The following CTNNAL1 variants were observed in gnomAD, a reference collection of about 807,000 sequenced individuals.
CTNNAL1 encodes catenin alpha like 1.
Under a neutral mutation model 93.6 loss-of-function variants are expected in CTNNAL1, and 69 were observed. That is an observed-to-expected ratio of 0.74 (90% CI 0.61 to 0.90). CTNNAL1 has a LOEUF of 0.90. Among genes scored for constraint, CTNNAL1 ranks in the 40% least tolerant of loss-of-function variants. The pLI, the probability that CTNNAL1 is intolerant of heterozygous loss-of-function variation, is 0.00. For synonymous variants in CTNNAL1, 286 were observed against 305.4 expected (o/e 0.94, Z 0.66); for missense variants, 836 against 862.0 (o/e 0.97, Z 0.38).
intron 11 of CTNNAL1, among the ~76,000 whole-genome samples, chr9:108,964,121 C>A (rs1307542829): frequency 6.6e-6 from 1 of 152,124 alleles, no homozygotes; most frequent in Non-Finnish European, 1.5e-5. Flanking sequence ...AAATTTGGCT[C>A]ATATGAAAAT....
At chr9:108,974,555 C>G (rs890337649) in intron 8 of CTNNAL1, among the ~76,000 whole-genome samples, 2 of 152,180 alleles carry the variant, frequency 1.3e-5, no homozygotes, top group Non-Finnish European at 2.9e-5. Flanking sequence ...CAATTTCAGC[C>G]AGGCATGATG....
chr9:109,013,324 G>T lies in CTNNAL1; in HGVS notation c.119C>A (p.Thr40Lys), dbSNP rs1266568847. ...TACCTGAGAAACCAGCGGGAGTAGCGTCTGCTCCACCGAGCGAGTTTTGAT... is the reference window on the plus strand; with the variant it reads ...TACCTGAGAAACCAGCGGGAGTAGCTTCTGCTCCACCGAGCGAGTTTTGAT... ...LEIKTRSVEQ[T>K]LLPLVSQITT... The change falls in exon 1 of 19, where the codon ACG becomes AAG. Residue 40 changes from threonine (T) to lysine (K), a missense_variant. Transcript: ENST00000325551. The T allele has an allele frequency of 3.3e-6, 5 of 1,513,294 alleles. No homozygotes were observed. The highest frequency in any genetic ancestry group is 4.4e-6 in the Non-Finnish European group (5 of 1,129,986). The allele number at this position is 1,513,294 out of a possible 1,614,324, so 93.7% of individuals were successfully genotyped here. A position where few individuals can be genotyped will look rare whatever the true frequency, so the allele number is the denominator to read the frequency against.
intron 11 of CTNNAL1, among the ~76,000 whole-genome samples, chr9:108,964,362 A>C (rs1440257130): frequency 6.6e-6 from 1 of 152,240 alleles, no homozygotes; most frequent in Non-Finnish European, 1.5e-5. Flanking sequence ...AATTTGATAT[A>C]ATTGTAAATG....
chr9:108,980,358 T>C (rs1831391876), intron 6 of CTNNAL1, among the ~76,000 whole-genome samples: 1 of 152,186 alleles, frequency 6.6e-6, no homozygotes, highest in African/African-American at 2.4e-5. Flanking sequence ...CCATGAAATA[T>C]GTCACACAGA....
At chr9:108,971,739 G>A (rs1831122401) in intron 9 of CTNNAL1, among the ~76,000 whole-genome samples, 1 of 152,148 alleles carries the variant, frequency 6.6e-6, no homozygotes, top group Non-Finnish European at 1.5e-5. Flanking sequence ...TTTATCAGCA[G>A]AGTGAGAACA....
At chr9:108,993,196 C>T (rs968209053) in intron 2 of CTNNAL1, among the ~76,000 whole-genome samples, 2 of 152,200 alleles carry the variant, frequency 1.3e-5, no homozygotes, top group Admixed American at 1.3e-4. Flanking sequence ...GGTGCCAAGG[C>T]TTGGGCTGGG....
intron 14 of CTNNAL1, chr9:108,950,528 G>C (rs1284424099): frequency 1.9e-6 from 3 of 1,550,176 alleles, no homozygotes; most frequent in Admixed American, 2.0e-5. Context: ...TCTAGAAAAG[G>C]TAGAAGACGT....
chr9:108,966,683 T>C (rs1453825668), intron 10 of CTNNAL1, among the ~76,000 whole-genome samples: 2 of 152,032 alleles, frequency 1.3e-5, no homozygotes, highest in Non-Finnish European at 2.9e-5. Context: ...AGCCTGAGAT[T>C]TTGGCATTTG....
At chr9:108,982,071 C>T (rs191464807) in intron 6 of CTNNAL1, among the ~76,000 whole-genome samples, 62 of 152,288 alleles carry the variant, frequency 4.1e-4, no homozygotes, top group African/African-American at 1.3e-3. Flanking sequence ...TAAAGGAGGG[C>T]ATTGTACTAG....
intron 6 of CTNNAL1, among the ~76,000 whole-genome samples, chr9:108,982,048 T>C (rs1831448943): frequency 6.6e-6 from 1 of 152,184 alleles, no homozygotes; most frequent in South Asian, 2.1e-4. Context: ...AGGGCCTTAG[T>C]TTTCTGATCT....
intron 8 of CTNNAL1, 31 bp from the exon 9 acceptor site, chr9:108,972,864 G>GGGGGGGGGGAAA: frequency 7.0e-6 from 1 of 142,590 alleles, no homozygotes; most frequent in Non-Finnish European, 1.0e-5. Flanking sequence ...GGGGGGGTGG[G>GGGGGGGGGGAAA]AGGGTGGAGA....
At chr9:108,959,364 C>CAAA (rs36116094) in intron 11 of CTNNAL1, among the ~76,000 whole-genome samples, 48 of 55,830 alleles carry the variant, frequency 8.6e-4, no homozygotes, top group Non-Finnish European at 9.9e-4. Context: ...GACTCCATAT[C>CAAA]AAAAAAAAAA....
At chr9:108,962,299 C>T (rs768050487) in intron 11 of CTNNAL1, among the ~76,000 whole-genome samples, 20 of 152,172 alleles carry the variant, frequency 1.3e-4, no homozygotes, top group South Asian at 2.1e-4. Flanking sequence ...ATAATAGTCA[C>T]GGGCCTCTGA....
At chr9:108,983,665 T>C (rs1831508754) in intron 5 of CTNNAL1, among the ~76,000 whole-genome samples, 1 of 152,204 alleles carries the variant, frequency 6.6e-6, no homozygotes, top group Admixed American at 6.5e-5. Context: ...AGATGATATA[T>C]GATCATGGAT....
intron 1 of CTNNAL1, among the ~76,000 whole-genome samples, chr9:109,007,262 C>T (rs1827059694): frequency 1.3e-5 from 2 of 151,686 alleles, no homozygotes; most frequent in South Asian, 2.1e-4. Context: ...AAAAAAAACA[C>T]GCATGTATTC....
chr9:108,957,238 C>T (rs888637027), intron 11 of CTNNAL1, among the ~76,000 whole-genome samples: 22 of 151,204 alleles, frequency 1.5e-4, no homozygotes, highest in Non-Finnish European at 2.9e-4. Flanking sequence ...CTCCCACCTT[C>T]CACCTCCTGA....
rs374813983 is a variant in CTNNAL1 at position 108,989,821 on chromosome 9, G to A, written c.639+905C>T. Among the ~76,000 whole-genome samples, 65 of 152,154 alleles carry A rather than the reference G, an allele frequency of 4.3e-4. No individual in the cohort carries two copies. In the South Asian group the frequency reaches 8.7e-3, roughly 20 times the overall value. ...TCCCAGCACTTTGGGAGGCTGAGGC[G>A]GGCGGATCACCTGAGATTAGGAGTT... On this transcript the variant is annotated intron_variant, in intron 4 of 18. Coordinates refer to ENST00000325551, the MANE Select transcript of CTNNAL1 (RefSeq NM_003798.4).
At chr9:108,972,868 G>GGGCCCCCCCCCCCCCCGGC in intron 8 of CTNNAL1, 35 bp from the exon 9 acceptor site, 1 of 1,092,788 alleles carries the variant, frequency 9.2e-7, no homozygotes, top group African/African-American at 1.7e-5. Context: ...GGGTGGGAGG[G>GGGCCCCCCCCCCCCCCGGC]TGGAGAAGGA....
rs151218489 is a variant in CTNNAL1 at position 108,952,009 on chromosome 9, C to A, written c.1835+200G>T. ...TGGGCAGAAACCTAGCAGAAGATCCCTTCTAAATCTAAATCCTAATTAAAT... is the reference window on the plus strand; with the variant it reads ...TGGGCAGAAACCTAGCAGAAGATCCATTCTAAATCTAAATCCTAATTAAAT... On this transcript the variant is annotated intron_variant, in intron 14 of 18. Transcript: ENST00000325551. 4.0e-3 allele frequency among the ~76,000 whole-genome samples: 601 copies of A among 152,000 alleles called. 5 individuals are homozygous for A. The highest frequency in any genetic ancestry group is 0.014 in the African/African-American group (579 of 41,472).
Sources: gnomAD v4.1 joint callset for allele counts (sites outside exome capture counted in the v4.1 genomes callset) on GRCh38, gnomAD v4.1.1 for gene constraint, MANE v1.5 for transcripts, NCBI Gene and HGNC (gene_info 2026-07-23, HGNC 2026-07-21) for gene names.